The following TUSC3 variants were observed in gnomAD, a reference collection of about 807,000 sequenced individuals.
TUSC3 encodes the protein tumor suppressor candidate 3.
In TUSC3, 45 loss-of-function variants were observed where a neutral mutation model predicts 44.8. That is an observed-to-expected ratio of 1.00 (90% CI 0.79 to 1.29). The LOEUF (loss-of-function observed/expected upper bound fraction) is 1.29, where lower values mean the gene tolerates loss of function less well. Ranked by LOEUF, TUSC3 falls within the 50% of genes most tolerant of loss-of-function variation. The pLI, the probability that TUSC3 is intolerant of heterozygous loss-of-function variation, is 0.00. For missense variants in TUSC3, 519 were observed against 437.9 expected, an observed-to-expected ratio of 1.19 and a Z score of -1.65; for synonymous variants, 212 against 152.9, an observed-to-expected ratio of 1.39 and a Z score of -2.85.
At chr8:15,486,454 T>C (rs1800734083) in intron 2 of TUSC3, among the ~76,000 whole-genome samples, 1 of 152,156 alleles carries the variant, frequency 6.6e-6, no homozygotes, top group Admixed American at 6.5e-5. Context: ...CCTACAATTT[T>C]CTTCTTTTTC....
At chr8:15,691,407 G>C (rs1217042739) in intron 6 of TUSC3, among the ~76,000 whole-genome samples, 2 of 152,100 alleles carry the variant, frequency 1.3e-5, no homozygotes, top group African/African-American at 4.8e-5. Flanking sequence ...GAAGCTTTTG[G>C]ACAGAGACTA....
In TUSC3 at chr8:15,556,746, G is replaced by A. The variant is rs868636202; in HGVS notation, c.138+16178G>A. Among the ~76,000 whole-genome samples the A allele has an allele frequency of 4.2e-3, 596 of 140,688 alleles. 4 individuals are homozygous for A. Among genetic ancestry groups the A allele is most frequent in the African/African-American group, 0.015 (570 of 38,702 alleles). 92.3% of individuals were successfully genotyped at this position (140,688 alleles called of 152,430 possible). Reference sequence around the variant, plus strand: ...TTGTGGTTTTGATTTGCATTTCTCTGATGGCCAGTGATGATGAGCATTTTT... The same window carrying A: ...TTGTGGTTTTGATTTGCATTTCTCTAATGGCCAGTGATGATGAGCATTTTT... On this transcript the variant is annotated intron_variant, in intron 1 of 10. Coordinates refer to ENST00000503731, the MANE Select transcript of TUSC3 (RefSeq NM_006765.4).
chr8:15,538,018 A>G (rs958416912), upstream of TUSC3, among the ~76,000 whole-genome samples: 4 of 152,182 alleles, frequency 2.6e-5, no homozygotes, highest in African/African-American at 9.6e-5. Flanking sequence ...GCTCTTATGT[A>G]CGCACATAGG....
chr8:15,532,463 C>T (rs1801462195), intron 2 of TUSC3, among the ~76,000 whole-genome samples: 1 of 152,082 alleles, frequency 6.6e-6, no homozygotes, highest in South Asian at 2.1e-4. Context: ...GACCATAGAT[C>T]CACAGGAAAA....
rs1422355066 is a variant in TUSC3 at position 15,667,202 on chromosome 8, T to A, written c.708+4906T>A. On this transcript the variant is annotated intron_variant, in intron 5 of 10. Coordinates refer to ENST00000503731, the MANE Select transcript of TUSC3 (RefSeq NM_006765.4). ...TCCTCAATGCATAATTTCCTTTCCA[T>A]GGAATTAAAGACTTAGTCTTAAGCT... Among the ~76,000 whole-genome samples, 3 of 151,596 alleles carry A rather than the reference T, an allele frequency of 2.0e-5. No individual in the cohort carries two copies. The Admixed American group carries it at 2.0e-4, about 10-fold the overall frequency.
upstream of TUSC3, among the ~76,000 whole-genome samples, chr8:15,536,397 G>C (rs1384994518): frequency 3.3e-5 from 5 of 152,152 alleles, 1 homozygote; most frequent in East Asian, 9.7e-4. Flanking sequence ...AAGAATGCAA[G>C]AGGACTGGGC....
chr8:15,540,271 C>A lies in TUSC3; in HGVS notation c.-160C>A. The A allele has an allele frequency of 9.7e-7, 1 of 1,034,564 alleles. No individual in the cohort carries two copies. The highest frequency in any genetic ancestry group is 3.4e-4 in the Middle Eastern group (1 of 2,968). 64.1% of individuals were successfully genotyped at this position (1,034,564 alleles called of 1,614,324 possible). A position where few individuals can be genotyped will look rare whatever the true frequency, so the allele number is the denominator to read the frequency against. Reference sequence around the variant, plus strand: ...GAACCGGATGCTCTGTCAGTCTCCTCCTCTGCGTCCTCGGCCGCGGCCCGG... The same window carrying A: ...GAACCGGATGCTCTGTCAGTCTCCTACTCTGCGTCCTCGGCCGCGGCCCGG... On this transcript the variant is annotated 5_prime_UTR_variant, in exon 1 of 11. Transcript: ENST00000503731.
intron 3 of TUSC3, among the ~76,000 whole-genome samples, chr8:15,657,947 A>G (rs1419951307): frequency 6.6e-6 from 1 of 152,186 alleles, no homozygotes; most frequent in Non-Finnish European, 1.5e-5. Context: ...ATCACATGGC[A>G]TGAGGGGACA....
intron 1 of TUSC3, among the ~76,000 whole-genome samples, chr8:15,541,093 G>A (rs756167407): frequency 1.3e-5 from 2 of 152,184 alleles, no homozygotes; most frequent in Non-Finnish European, 2.9e-5. Flanking sequence ...TTTTGTGCAA[G>A]TACAACAGAA....
chr8:15,689,611 A>C (rs941916504), intron 6 of TUSC3: 1 of 155,926 alleles, frequency 6.4e-6, no homozygotes, highest in African/African-American at 2.4e-5. Context: ...CATGCCTGGC[A>C]ATCGTGGCTG....
At chr8:15,432,428 T>C (rs1799883712) in intron 1 of TUSC3, among the ~76,000 whole-genome samples, 1 of 152,196 alleles carries the variant, frequency 6.6e-6, no homozygotes, top group Non-Finnish European at 1.5e-5. Context: ...GTCTACTTTA[T>C]CCATTAGAGC....
At chr8:15,729,315 G>C (rs1810620879) in intron 6 of TUSC3, among the ~76,000 whole-genome samples, 1 of 152,096 alleles carries the variant, frequency 6.6e-6, no homozygotes. Context: ...TTACTATGTG[G>C]TGGAAAGGGC....
intron 1 of TUSC3, among the ~76,000 whole-genome samples, chr8:15,599,094 C>G (rs1391371249): frequency 6.6e-6 from 1 of 151,886 alleles, no homozygotes; most frequent in African/African-American, 2.4e-5. Context: ...TACACATCCT[C>G]TCTAGCAGTT....
chr8:15,485,357 T>C (rs187778522), intron 2 of TUSC3, among the ~76,000 whole-genome samples: 364 of 152,346 alleles, frequency 2.4e-3, no homozygotes, highest in African/African-American at 7.7e-3. Flanking sequence ...TTATCTTTAT[T>C]GGCCATTGAC....
chr8:15,424,497 A>C (rs1473004644), intron 1 of TUSC3, among the ~76,000 whole-genome samples: 1 of 152,194 alleles, frequency 6.6e-6, no homozygotes, highest in Non-Finnish European at 1.5e-5. Flanking sequence ...TTCTGAGATT[A>C]ACGTTTCTGG....
At chr8:15,453,192 T>G (rs543405025) in intron 1 of TUSC3, among the ~76,000 whole-genome samples, 2 of 152,180 alleles carry the variant, frequency 1.3e-5, no homozygotes, top group Non-Finnish European at 2.9e-5. Flanking sequence ...TGGGAGTGTT[T>G]CTGAAGAATG....
At chr8:15,466,705 C>T (rs1800419042) in intron 1 of TUSC3, among the ~76,000 whole-genome samples, 1 of 152,080 alleles carries the variant, frequency 6.6e-6, no homozygotes, top group Admixed American at 6.6e-5. Context: ...TTGAGATTTT[C>T]TTTAATTCCT....
the TUSC3 span, among the ~76,000 whole-genome samples, chr8:15,792,482 C>T: frequency 6.6e-6 from 1 of 152,194 alleles, no homozygotes; most frequent in African/African-American, 2.4e-5. Context: ...AGAGTAAAAA[C>T]ACACAGCCAT....
intron 1 of TUSC3, among the ~76,000 whole-genome samples, chr8:15,566,468 T>A (rs1179390732): frequency 1.3e-5 from 2 of 152,122 alleles, no homozygotes; most frequent in African/African-American, 2.4e-5. Flanking sequence ...AAGATTTTTG[T>A]CACATGGTAA....
Sources: gnomAD v4.1 joint callset for allele counts (sites outside exome capture counted in the v4.1 genomes callset) on GRCh38, gnomAD v4.1.1 for gene constraint, MANE v1.5 for transcripts, NCBI Gene and HGNC (gene_info 2026-07-23, HGNC 2026-07-21) for gene names.